SYNE2: variants seen among roughly 807,000 people sequenced by gnomAD.
The protein encoded by SYNE2 is nesprin-2.
SYNE2 carries 431 observed loss-of-function variants against 856.3 expected under a neutral mutation model. That is an observed-to-expected ratio of 0.50 (90% confidence interval 0.47 to 0.55). The LOEUF is 0.55. Ranked by LOEUF, SYNE2 falls within the 20% of genes least tolerant of loss-of-function variation. SYNE2 has a pLI of 0.00. For synonymous variants in SYNE2, 2,923 were observed against 2,872.3 expected (o/e 1.02, Z -0.56); for missense variants, 8,129 against 8,023.2 (o/e 1.01, Z -0.50).
In SYNE2 at chr14:64,221,591, A is replaced by C. The variant is rs1196497389; in HGVS notation, c.20077A>C (p.Ser6693Arg). The C allele has an allele frequency of 1.2e-6, 2 of 1,614,098 alleles. No individual in the cohort carries two copies. Among genetic ancestry groups the C allele is most frequent in the African/African-American group, 2.7e-5 (2 of 75,010 alleles). ...GTTTTTTAAGGACTTCCACCAGTTG[A>C]GTCAAAATCTGCTGCTGTGGTTAGC... ...LMQCQDFHQL[S>R]QNLLLWLASA... Residue 6693 changes from serine to arginine, a missense_variant, in exon 112 of 116, where the codon AGT (serine) becomes CGT (arginine). Physicochemically the swap from Ser to Arg is moderately radical, Grantham distance 110. Transcript: ENST00000555002.
In SYNE2 at chr14:64,087,749, T is replaced by C. The variant is rs2097574900; in HGVS notation, c.11563T>C (p.Phe3855Leu). ...FMDLEDLSII[F>L]ETDELTQSIQ... Reference sequence around the variant, plus strand: ...GGATCTAGAAGACCTGTCAATAATTTTTGAAACAGATGAATTAACCCAATC... The same window carrying C: ...GGATCTAGAAGACCTGTCAATAATTCTTGAAACAGATGAATTAACCCAATC... The change falls in exon 58 of 116, where the codon TTT (phenylalanine) becomes CTT (leucine). Residue 3855 changes from phenylalanine to leucine, a missense_variant. Phe to Leu is a conservative substitution (Grantham distance 22). Around this residue, in one of 3 missense-constraint regions of SYNE2, gnomAD observed 5,410 missense variants for 5,284.8 expected, o/e 1.02. Coordinates refer to ENST00000555002, the MANE Select transcript of SYNE2 (RefSeq NM_182914.3). The C allele has an allele frequency of 6.2e-7, 1 of 1,614,066 alleles. No homozygotes were observed. Among genetic ancestry groups the C allele is most frequent in the South Asian group, 1.1e-5 (1 of 91,088 alleles).
Position 64,133,753 on chromosome 14 carries a change from G to A in SYNE2, c.14515-316G>A, listed in dbSNP as rs187641024. 3.1e-3 allele frequency among the ~76,000 whole-genome samples: 475 copies of A among 152,220 alleles called. 2 individuals are homozygous for A. Among genetic ancestry groups the A allele is most frequent in the African/African-American group, 0.01 (436 of 41,528 alleles). On this transcript the variant is annotated intron_variant, in intron 77 of 115. Transcript: ENST00000555002. ...TCTCTTGTGGCTCCAAGGTCTCTAC[G>A]GAGTTGCTAAGAGTATCATTTTAAC...
chr14:63,994,370 G>C (rs1031017489), intron 22 of SYNE2, among the ~76,000 whole-genome samples: 8 of 152,154 alleles, frequency 5.3e-5, no homozygotes, highest in African/African-American at 1.9e-4. Flanking sequence ...AAATGTGTGT[G>C]TCTATATATC....
intron 12 of SYNE2, 31 bp from the exon 13 acceptor site, chr14:63,977,874 A>AT: frequency 1.4e-6 from 2 of 1,420,164 alleles, no homozygotes; most frequent in Non-Finnish European, 2.0e-6. Flanking sequence ...GGCAATAAGT[A>AT]TCGTTTATGT....
At chr14:63,919,245 A>C (rs2095568108) in intron 2 of SYNE2, among the ~76,000 whole-genome samples, 1 of 152,192 alleles carries the variant, frequency 6.6e-6, no homozygotes. Flanking sequence ...ATAATCAAGA[A>C]GTACATCAGC....
In SYNE2 at chr14:64,026,676, C is replaced by T. The variant is rs1258717242; in HGVS notation, c.6350C>T (p.Thr2117Ile). 2 of 1,612,804 alleles carry T rather than the reference C, an allele frequency of 1.2e-6. No individual in the cohort carries two copies. The highest frequency in any genetic ancestry group is 3.3e-5 in the Admixed American group (2 of 59,856). ...SEAPLVQKTLTDISNQWDNTL... is the reference protein window; with the variant it reads ...SEAPLVQKTLIDISNQWDNTL... ...GCCCCGCTGGTTCAGAAGACCCTCA[C>T]TGACATCAGCAACCAGTGGGACAAC... The change falls in exon 42 of 116, where the codon ACT (threonine) becomes ATT (isoleucine). Residue 2117 changes from threonine to isoleucine, a missense_variant. This residue lies in a region of SYNE2 where 297 missense variants were observed against 380.9 expected (regional missense o/e 0.78). Coordinates refer to ENST00000555002, the MANE Select transcript of SYNE2 (RefSeq NM_182914.3).
intron 1 of SYNE2, among the ~76,000 whole-genome samples, chr14:63,840,449 TCCTC>T (rs1251523555): frequency 0.12 from 3,611 of 30,548 alleles, 175 homozygotes; most frequent in Middle Eastern, 0.21. Flanking sequence ...CTTCCTTCCT[TCCTC>T]CCTCCCTCCC....
chr14:64,209,397 G>A (rs756331178), intron 101 of SYNE2, 31 bp from the exon 102 acceptor site: 1 of 1,614,192 alleles, frequency 6.2e-7, no homozygotes, highest in Non-Finnish European at 8.5e-7. Flanking sequence ...TGGAGGGGAT[G>A]GCTTGTGTTA....
At chr14:63,919,791 G>C (rs539284659) in intron 2 of SYNE2, among the ~76,000 whole-genome samples, 1 of 152,070 alleles carries the variant, frequency 6.6e-6, no homozygotes, top group Admixed American at 6.6e-5. Flanking sequence ...ACTGGATTGC[G>C]CTCCTAAGAT....
At chr14:63,979,459 G>T (rs959088177) in intron 14 of SYNE2, among the ~76,000 whole-genome samples, 1 of 152,128 alleles carries the variant, frequency 6.6e-6, no homozygotes, top group Non-Finnish European at 1.5e-5. Flanking sequence ...TTGTCATGAG[G>T]CTTTCCTTTT....
In SYNE2 at chr14:64,017,696, A is replaced by G. The variant is rs763324916; in HGVS notation, c.4989A>G (p.Glu1663=). ...AAAATGTCATTGATGAGTGGACAGA[A>G]AAGGCCCTTCAAAAAATGGAATTAC... ...NLKNVIDEWT[E]KALQKMELHQ... Residue 1663 remains glutamate, a synonymous_variant, in exon 34 of 116, where the codon GAA becomes GAG. Transcript: ENST00000555002. 1 of 1,613,794 alleles carries G rather than the reference A, an allele frequency of 6.2e-7. No homozygotes were observed. Among genetic ancestry groups the G allele is most frequent in the East Asian group, 2.2e-5 (1 of 44,768 alleles).
At chr14:64,146,632 C>G (rs1238148851) in intron 84 of SYNE2, among the ~76,000 whole-genome samples, 1 of 152,134 alleles carries the variant, frequency 6.6e-6, no homozygotes, top group South Asian at 2.1e-4. Context: ...TTTCTTCTAC[C>G]TATTGTGTAT....
intron 38 of SYNE2, chr14:64,023,289 A>G (rs1162138908): frequency 6.1e-6 from 1 of 163,892 alleles, no homozygotes; most frequent in Non-Finnish European, 1.3e-5. Flanking sequence ...TGACTTACTG[A>G]TATTTTCACA....
intron 45 of SYNE2, among the ~76,000 whole-genome samples, chr14:64,036,692 A>AT (rs869246851): frequency 3.9e-5 from 6 of 151,988 alleles, no homozygotes; most frequent in South Asian, 4.2e-4. Flanking sequence ...ATTAAAAAAA[A>AT]TTTTTTTTTA....
At chr14:64,202,246 G>A in intron 99 of SYNE2, 1 of 702,368 alleles carries the variant, frequency 1.4e-6, no homozygotes, top group Admixed American at 2.0e-5. Context: ...ACGGCTGGGT[G>A]AACCCCTCAT....
intron 34 of SYNE2, 22 bp downstream of exon 34, chr14:64,017,778 A>C (rs771655306): frequency 6.2e-7 from 1 of 1,610,548 alleles, no homozygotes; most frequent in Admixed American, 1.7e-5. Context: ...GATAAAATAC[A>C]TGCTTTTCTT....
At chr14:63,834,702 G>A (rs1216118502) in intron 1 of SYNE2, among the ~76,000 whole-genome samples, 2 of 148,360 alleles carry the variant, frequency 1.3e-5, no homozygotes, top group Admixed American at 6.9e-5. Flanking sequence ...GTGCAGTGGC[G>A]TGATCTCAGT....
At chr14:64,091,972 G>A (rs1420762099) in intron 60 of SYNE2, among the ~76,000 whole-genome samples, 3 of 152,074 alleles carry the variant, frequency 2.0e-5, no homozygotes, top group African/African-American at 7.2e-5. Flanking sequence ...AAGGTTTGAG[G>A]AGACTGTAAT....
chr14:64,026,760 A>C (rs373600981), intron 42 of SYNE2, 30 bp downstream of exon 42: 10 of 1,587,912 alleles, frequency 6.3e-6, no homozygotes, highest in Non-Finnish European at 8.6e-6. Context: ...CACTTGCATC[A>C]TATCCCATTG....
Sources: gnomAD v4.1 joint callset for allele counts (sites outside exome capture counted in the v4.1 genomes callset) on GRCh38, gnomAD v4.1.1 for gene constraint, gnomAD v4.1.1 regional missense constraint, MANE v1.5 for transcripts, NCBI Gene and HGNC (gene_info 2026-07-23, HGNC 2026-07-21) for gene names.